PLCL1: variants seen among roughly 807,000 people sequenced by gnomAD.
The protein encoded by PLCL1 is phospholipase C like 1 (inactive).
In PLCL1, 41 loss-of-function variants were observed where a neutral mutation model predicts 84.4. The ratio of observed to expected loss-of-function variants is 0.49; its 90% CI spans 0.38 to 0.63. The LOEUF is 0.63. PLCL1 is among the 30% of genes least tolerant of loss of function. The pLI, the probability that PLCL1 is intolerant of heterozygous loss-of-function variation, is 0.00. For synonymous variants in PLCL1, 490 were observed against 488.3 expected (o/e 1.00, Z -0.05); for missense variants, 1,206 against 1,367.8 (o/e 0.88, Z 1.87).
At chr2:198,012,279 C>G (rs1472174280) in intron 1 of PLCL1, among the ~76,000 whole-genome samples, 2 of 152,068 alleles carry the variant, frequency 1.3e-5, no homozygotes, top group Non-Finnish European at 2.9e-5. Flanking sequence ...GCAGGGCATC[C>G]TATTCTTGGA....
chr2:197,868,349 T>C (rs1559030217), intron 1 of PLCL1, among the ~76,000 whole-genome samples: 1 of 152,162 alleles, frequency 6.6e-6, no homozygotes, highest in African/African-American at 2.4e-5. Context: ...AGGTGGAAAC[T>C]AGGCAAGAAA....
intron 1 of PLCL1, among the ~76,000 whole-genome samples, chr2:197,824,920 T>C (rs1690897475): frequency 6.6e-6 from 1 of 152,024 alleles, no homozygotes; most frequent in South Asian, 2.1e-4. Flanking sequence ...ACCTTAAAAT[T>C]AAGGAAAGGG....
chr2:197,850,379 C>A (rs1687211212), intron 1 of PLCL1, among the ~76,000 whole-genome samples: 1 of 152,006 alleles, frequency 6.6e-6, no homozygotes, highest in Non-Finnish European at 1.5e-5. Flanking sequence ...ACGTTTTTGT[C>A]AATTATTTGA....
At chr2:197,979,633 C>A (rs1047044466) in intron 1 of PLCL1, among the ~76,000 whole-genome samples, 1 of 152,154 alleles carries the variant, frequency 6.6e-6, no homozygotes, top group East Asian at 1.9e-4. Flanking sequence ...TTTGTGGGAC[C>A]TCTGAGTCCC....
intron 1 of PLCL1, among the ~76,000 whole-genome samples, chr2:197,950,290 T>C (rs1173316468): frequency 6.6e-6 from 1 of 152,070 alleles, no homozygotes; most frequent in African/African-American, 2.4e-5. Flanking sequence ...CTCTTGCCCC[T>C]CTCAGCTTTG....
At chr2:198,127,151 A>G (rs1307599679) in intron 5 of PLCL1, among the ~76,000 whole-genome samples, 2 of 152,114 alleles carry the variant, frequency 1.3e-5, no homozygotes, top group East Asian at 3.9e-4. Context: ...GGAATTGTCT[A>G]TGGGGTGAAC....
At chr2:198,126,747 A>T (rs935670128) in intron 5 of PLCL1, among the ~76,000 whole-genome samples, 2 of 152,146 alleles carry the variant, frequency 1.3e-5, no homozygotes, top group Admixed American at 6.5e-5. Flanking sequence ...TCTACAAAAA[A>T]TACAAAAATT....
intron 5 of PLCL1, among the ~76,000 whole-genome samples, chr2:198,105,292 T>C (rs933158987): frequency 6.6e-6 from 1 of 152,058 alleles, no homozygotes; most frequent in African/African-American, 2.4e-5. Flanking sequence ...CTATTGCTTG[T>C]TGTTGTTGAC....
At chr2:198,135,201 C>A (rs538685267) in intron 5 of PLCL1, among the ~76,000 whole-genome samples, 1 of 151,966 alleles carries the variant, frequency 6.6e-6, no homozygotes, top group East Asian at 1.9e-4. Context: ...ACACTCATGG[C>A]GGTAGTATGA....
chr2:198,119,509 C>T (rs181208994), intron 5 of PLCL1, among the ~76,000 whole-genome samples: 113 of 152,034 alleles, frequency 7.4e-4, no homozygotes, highest in Non-Finnish European at 9.3e-4. Flanking sequence ...TGCCTTCGCA[C>T]TGCTGTTCCT....
At chr2:197,854,024 G>A (rs1687288008) in intron 1 of PLCL1, among the ~76,000 whole-genome samples, 1 of 152,048 alleles carries the variant, frequency 6.6e-6, no homozygotes, top group African/African-American at 2.4e-5. Flanking sequence ...GGAAGCTTTG[G>A]GGACCCATGC....
intron 1 of PLCL1, among the ~76,000 whole-genome samples, chr2:197,911,441 G>T (rs962521034): frequency 3.3e-5 from 5 of 151,964 alleles, no homozygotes; most frequent in Non-Finnish European, 5.9e-5. Context: ...ATATTTGAGG[G>T]AATATCTGAA....
intron 1 of PLCL1, among the ~76,000 whole-genome samples, chr2:197,809,688 T>G (rs1690544425): frequency 6.6e-6 from 1 of 152,066 alleles, no homozygotes; most frequent in South Asian, 2.1e-4. Flanking sequence ...ACAGTGGAGT[T>G]TGTGAAGCAT....
At chr2:197,826,732 T>A (rs1408931099) in intron 1 of PLCL1, among the ~76,000 whole-genome samples, 1 of 152,158 alleles carries the variant, frequency 6.6e-6, no homozygotes, top group Non-Finnish European at 1.5e-5. Flanking sequence ...ATTAAAACTG[T>A]AAGCCCAAAT....
intron 1 of PLCL1, among the ~76,000 whole-genome samples, chr2:197,832,836 G>A (rs1691097000): frequency 6.6e-6 from 1 of 152,218 alleles, no homozygotes; most frequent in South Asian, 2.1e-4. Context: ...TGGGATGCAA[G>A]GCTGGTTCAA....
chr2:197,995,418 C>T (rs930243258), intron 1 of PLCL1, among the ~76,000 whole-genome samples: 7 of 152,064 alleles, frequency 4.6e-5, no homozygotes, highest in African/African-American at 1.7e-4. Context: ...TTGCTATCGC[C>T]ATCCAATGGA....
At chr2:197,877,982 T>C (rs920005349) in intron 1 of PLCL1, among the ~76,000 whole-genome samples, 2 of 152,236 alleles carry the variant, frequency 1.3e-5, no homozygotes, top group South Asian at 2.1e-4. Flanking sequence ...CAATTCCTAG[T>C]GTGTGTTAGT....
chr2:198,098,137 G>T (rs528022218), intron 3 of PLCL1, among the ~76,000 whole-genome samples: 2 of 152,190 alleles, frequency 1.3e-5, no homozygotes, highest in Admixed American at 1.3e-4. Context: ...TTTTTGCTTA[G>T]AAGGAAAGTA....
intron 1 of PLCL1, among the ~76,000 whole-genome samples, chr2:197,968,860 C>A (rs527890074): frequency 6.6e-6 from 1 of 152,326 alleles, no homozygotes; most frequent in South Asian, 2.1e-4. Flanking sequence ...TCTGGATGAT[C>A]TGATGGCTGG....
Sources: gnomAD v4.1 joint callset for allele counts (sites outside exome capture counted in the v4.1 genomes callset) on GRCh38, gnomAD v4.1.1 for gene constraint, MANE v1.5 for transcripts, NCBI Gene and HGNC (gene_info 2026-07-23, HGNC 2026-07-21) for gene names.